The following PHF24 variants were observed in gnomAD, a reference collection of about 807,000 sequenced individuals.
PHF24 encodes PHD finger protein 24.
In PHF24, 25 loss-of-function variants were observed where a neutral mutation model predicts 42.6. That is an observed-to-expected ratio of 0.59 (90% CI 0.43 to 0.82). PHF24 has a LOEUF of 0.82. Ranked by LOEUF, PHF24 falls within the 40% of genes least tolerant of loss-of-function variation. The pLI, the probability that PHF24 is intolerant of heterozygous loss-of-function variation, is 0.00. For missense variants in PHF24, 470 were observed against 538.1 expected (o/e 0.87, Z 1.25); for synonymous variants, 185 against 204.8 (o/e 0.90, Z 0.83).
the PHF24 span, among the ~76,000 whole-genome samples, chr9:34,778,248 G>A: frequency 9.9e-5 from 15 of 152,282 alleles, no homozygotes; most frequent in East Asian, 3.9e-4. Context: ...AACAAAAAGC[G>A]TAATGGCAGA....
At chr9:34,667,664 G>T in the PHF24 span, among the ~76,000 whole-genome samples, 2 of 152,182 alleles carry the variant, frequency 1.3e-5, no homozygotes, top group African/African-American at 4.8e-5. Flanking sequence ...CTTAGACAGG[G>T]CTCAGAGGGG....
the PHF24 span, among the ~76,000 whole-genome samples, chr9:34,942,006 G>T: frequency 6.6e-6 from 1 of 152,184 alleles, no homozygotes. Context: ...CACACCATTG[G>T]TCTCTATTGC....
At chr9:34,739,313 T>G in the PHF24 span, among the ~76,000 whole-genome samples, 1 of 152,212 alleles carries the variant, frequency 6.6e-6, no homozygotes, top group Non-Finnish European at 1.5e-5. Context: ...GGTTGGAACA[T>G]AAATTGGAAC....
At chr9:34,896,887 G>C in the PHF24 span, among the ~76,000 whole-genome samples, 1 of 152,074 alleles carries the variant, frequency 6.6e-6, no homozygotes, top group Non-Finnish European at 1.5e-5. Flanking sequence ...CAAGTGCGGC[G>C]GCTCACACCT....
At chr9:34,931,270 G>C in the PHF24 span, among the ~76,000 whole-genome samples, 17 of 151,666 alleles carry the variant, frequency 1.1e-4, no homozygotes, top group African/African-American at 4.1e-4. Context: ...CAGCTACTCG[G>C]GAGGCTGAGG....
chr9:34,781,922 GA>G, the PHF24 span, among the ~76,000 whole-genome samples: 6 of 152,290 alleles, frequency 3.9e-5, no homozygotes, highest in African/African-American at 1.4e-4. Flanking sequence ...GGCACAGTAA[GA>G]ATAGAAGGGC....
At chr9:34,698,909 TAGG>T in the PHF24 span, among the ~76,000 whole-genome samples, 4 of 152,176 alleles carry the variant, frequency 2.6e-5, no homozygotes, top group Non-Finnish European at 5.9e-5. Context: ...GGAGCCCTAG[TAGG>T]AGAGTTAAAG....
the PHF24 span, among the ~76,000 whole-genome samples, chr9:34,840,729 A>G: frequency 5.9e-5 from 9 of 152,120 alleles, no homozygotes; most frequent in African/African-American, 2.2e-4. Flanking sequence ...TATCTTGAGC[A>G]TATCATTTTC....
the PHF24 span, among the ~76,000 whole-genome samples, chr9:34,926,189 G>A: frequency 2.3e-4 from 35 of 152,262 alleles, no homozygotes; most frequent in Admixed American, 5.9e-4. The surrounding 1 kb of genome is among the most constrained non-coding windows in gnomAD (Gnocchi z 4.3). Flanking sequence ...TGCATATGGT[G>A]AGTTGGCCAA....
chr9:34,937,329 C>T, the PHF24 span, among the ~76,000 whole-genome samples: 10,240 of 152,180 alleles, frequency 0.067, 397 homozygotes, highest in East Asian at 0.1. Flanking sequence ...TCTTGGGATC[C>T]TGTTGATCTG....
chr9:34,967,229 C>G (rs1019287813), intron 1 of PHF24, among the ~76,000 whole-genome samples: 1 of 152,206 alleles, frequency 6.6e-6, no homozygotes, highest in African/African-American at 2.4e-5. Context: ...GCAGCACTTT[C>G]CTTATATCCT....
At chr9:34,708,789 C>T in the PHF24 span, among the ~76,000 whole-genome samples, 76 of 152,354 alleles carry the variant, frequency 5.0e-4, no homozygotes, top group Non-Finnish European at 9.0e-4. Flanking sequence ...TGTCCACCAC[C>T]TCTCCATTGG....
At chr9:34,889,035 T>C in the PHF24 span, 1 of 398,466 alleles carries the variant, frequency 2.5e-6, no homozygotes. Context: ...ATATACCACA[T>C]TGAAAATGAG....
chr9:34,826,242 C>T, the PHF24 span, among the ~76,000 whole-genome samples: 2 of 152,334 alleles, frequency 1.3e-5, no homozygotes, highest in East Asian at 3.9e-4. Context: ...GGCATCTGGT[C>T]CTTTGTGTCC....
chr9:34,958,588 G>A lies in PHF24; in HGVS notation c.-5+187G>A, dbSNP rs968406241. 1.3e-5 allele frequency among the ~76,000 whole-genome samples: 2 copies of A among 152,080 alleles called. No individual in the cohort carries two copies. The highest frequency in any genetic ancestry group is 4.2e-4 in the South Asian group (2 of 4,816). On this transcript the variant is annotated intron_variant, in intron 1 of 7. Coordinates refer to ENST00000242315, the Ensembl canonical transcript of PHF24. The surrounding 1 kb of genome is among the most constrained non-coding windows in gnomAD (Gnocchi z 4.5). ...CTTGGGGGAGTCCCTGAGGTGCTGT[G>A]GGGAGCCGCCCCCATAAAGACCCCC...
the PHF24 span, chr9:34,835,762 G>T: frequency 3.9e-6 from 6 of 1,551,206 alleles, no homozygotes; most frequent in South Asian, 7.1e-5. Context: ...CTGGGTTAAA[G>T]ATTTCTGATC....
chr9:34,770,700 A>G, the PHF24 span, among the ~76,000 whole-genome samples: 2 of 152,128 alleles, frequency 1.3e-5, no homozygotes, highest in African/African-American at 2.4e-5. Flanking sequence ...TAGAAACGGG[A>G]TGGCGGTATG....
the PHF24 span, among the ~76,000 whole-genome samples, chr9:34,856,316 T>A: frequency 6.6e-6 from 1 of 152,318 alleles, no homozygotes; most frequent in African/African-American, 2.4e-5. Context: ...GTGCCCTTGC[T>A]GGAGAGGTGT....
chr9:34,882,610 A>T, the PHF24 span, among the ~76,000 whole-genome samples: 3 of 152,156 alleles, frequency 2.0e-5, no homozygotes, highest in Non-Finnish European at 4.4e-5. Context: ...ACTCCTGTTC[A>T]CAATTGCTTC....
Sources: gnomAD v4.1 joint callset for allele counts (sites outside exome capture counted in the v4.1 genomes callset) on GRCh38, gnomAD v4.1.1 for gene constraint, Gnocchi (gnomAD v3.1) non-coding constraint, MANE v1.5 for transcripts, NCBI Gene and HGNC (gene_info 2026-07-23, HGNC 2026-07-21) for gene names.